Variants in DHRSX observed in about 807,000 individuals in gnomAD.
The protein encoded by DHRSX is dehydrogenase/reductase X-linked.
A neutral mutation model predicts 34.0 loss-of-function variants in DHRSX; 31 were observed. That is an observed-to-expected ratio of 0.91 (90% CI 0.69 to 1.23). The LOEUF is 1.23. Ranked by LOEUF, DHRSX falls within the 50% of genes most tolerant of loss-of-function variation. DHRSX has a pLI of 0.00. For synonymous variants in DHRSX, 201 were observed against 183.8 expected (o/e 1.09, Z -0.76); for missense variants, 414 against 428.1 (o/e 0.97, Z 0.29).
At chrX:2,267,913 C>A (rs376533077) in intron 4 of DHRSX, among the ~76,000 whole-genome samples, 3 of 152,238 alleles carry the variant, frequency 2.0e-5, no homozygotes, top group South Asian at 2.1e-4. Flanking sequence ...TGCTACTGCA[C>A]CCCAGCCTGG....
At chrX:2,262,099 G>T (rs937403019) in intron 5 of DHRSX, among the ~76,000 whole-genome samples, 1 of 152,132 alleles carries the variant, frequency 6.6e-6, no homozygotes, top group Admixed American at 6.5e-5. Context: ...GGGAAGGCTG[G>T]CCCCCACACA....
At chrX:2,260,092 C>CGG (rs2041342521) in intron 5 of DHRSX, among the ~76,000 whole-genome samples, 2 of 143,182 alleles carry the variant, frequency 1.4e-5, no homozygotes, top group African/African-American at 2.6e-5. Context: ...ATCCCTGACC[C>CGG]TGTGGCTGCA....
intron 6 of DHRSX, among the ~76,000 whole-genome samples, chrX:2,235,408 C>A (rs1427200219): frequency 6.6e-6 from 1 of 152,160 alleles, no homozygotes; most frequent in Admixed American, 6.6e-5. Flanking sequence ...AAGAAATCCG[C>A]ACCTGTACTC....
chrX:2,271,256 C>T (rs1230473483), intron 4 of DHRSX, among the ~76,000 whole-genome samples: 1 of 152,212 alleles, frequency 6.6e-6, no homozygotes, highest in Non-Finnish European at 1.5e-5. Context: ...GACGCACCAT[C>T]TTTAAAAGCC....
At chrX:2,489,859 G>A (rs2045078263) in intron 1 of DHRSX, 1 of 1,613,638 alleles carries the variant, frequency 6.2e-7, no homozygotes, top group African/African-American at 1.3e-5. Context: ...GGCAGGGCAT[G>A]TGCACTGCGA....
chrX:2,264,416 G>A (rs1259851091), intron 5 of DHRSX, among the ~76,000 whole-genome samples: 1 of 150,308 alleles, frequency 6.7e-6, no homozygotes, highest in East Asian at 2.0e-4. Context: ...GAGCACCTGT[G>A]TCCAGCAGAC....
intron 3 of DHRSX, among the ~76,000 whole-genome samples, chrX:2,308,503 T>C (rs1458501072): frequency 6.6e-6 from 1 of 152,114 alleles, no homozygotes; most frequent in African/African-American, 2.4e-5. Flanking sequence ...ACAGCAATGA[T>C]TGAAGTCTAA....
intron 5 of DHRSX, among the ~76,000 whole-genome samples, chrX:2,247,976 C>T (rs1221390828): frequency 6.6e-6 from 1 of 152,090 alleles, no homozygotes; most frequent in Admixed American, 6.6e-5. Flanking sequence ...AGTTTCCCTA[C>T]ACCCTGAGTA....
intron 4 of DHRSX, among the ~76,000 whole-genome samples, chrX:2,276,371 A>G (rs189708814): frequency 6.6e-6 from 1 of 152,304 alleles, no homozygotes; most frequent in East Asian, 1.9e-4. Flanking sequence ...TCGCCAATTC[A>G]AAGGTGGAGA....
intron 3 of DHRSX, among the ~76,000 whole-genome samples, chrX:2,346,653 T>TTTG (rs1556483987): frequency 8.0e-5 from 12 of 150,724 alleles, no homozygotes; most frequent in Admixed American, 2.6e-4. Context: ...TGGTTTTTTT[T>TTTG]TTGTTGTTGT....
intron 3 of DHRSX, among the ~76,000 whole-genome samples, chrX:2,332,493 G>A (rs965401085): frequency 4.0e-4 from 61 of 152,278 alleles, no homozygotes; most frequent in African/African-American, 1.3e-3. Flanking sequence ...GGGATTCTAG[G>A]AAAACAGATT....
At chrX:2,498,168 G>A (rs1297138456) in intron 1 of DHRSX, among the ~76,000 whole-genome samples, 1 of 152,174 alleles carries the variant, frequency 6.6e-6, no homozygotes, top group Non-Finnish European at 1.5e-5. Context: ...GTCAACTCAT[G>A]TGGAAGGTGT....
chrX:2,459,550 G>A (rs867034162), intron 1 of DHRSX, among the ~76,000 whole-genome samples: 5 of 137,800 alleles, frequency 3.6e-5, no homozygotes, highest in East Asian at 4.5e-4. Context: ...GTGTCTGTGT[G>A]TATATATATA....
At chrX:2,397,841 G>A (rs1327412079) in intron 3 of DHRSX, among the ~76,000 whole-genome samples, 4 of 152,006 alleles carry the variant, frequency 2.6e-5, no homozygotes, top group Non-Finnish European at 4.4e-5. Flanking sequence ...ACATGCCCCA[G>A]GTGTGCCGGC....
At chrX:2,350,780 G>A (rs181383975) in intron 3 of DHRSX, among the ~76,000 whole-genome samples, 173 of 152,176 alleles carry the variant, frequency 1.1e-3, no homozygotes, top group African/African-American at 3.9e-3. Flanking sequence ...ATTTCAACAC[G>A]TATGTTTATT....
intron 5 of DHRSX, among the ~76,000 whole-genome samples, chrX:2,264,123 A>T (rs1443114266): frequency 1.3e-5 from 2 of 152,228 alleles, no homozygotes; most frequent in Non-Finnish European, 2.9e-5. Flanking sequence ...GCCCAAGGAC[A>T]GCAAATGGCT....
chrX:2,219,716 T>G lies in DHRSX; in HGVS notation c.*1325A>C, dbSNP rs944297213. On this transcript the variant is annotated 3_prime_UTR_variant, in exon 7 of 7. Coordinates refer to ENST00000334651, the MANE Select transcript of DHRSX (RefSeq NM_145177.3). ...TGGATTTGAATAGTCAGTGGGATTT[T>G]GTCACTTAGTGGAATGGATAATAAG... The G allele has an allele frequency of 6.6e-6, 1 of 152,196 alleles. No homozygotes were observed. The highest frequency in any genetic ancestry group is 2.4e-5 in the African/African-American group (1 of 41,448). 9.4% of individuals were successfully genotyped at this position (152,196 alleles called of 1,614,324 possible).
In DHRSX at chrX:2,478,424, A is replaced by G. The variant is rs748983682; in HGVS notation, c.109+22393T>C. 2.2e-3 allele frequency among the ~76,000 whole-genome samples: 338 copies of G among 151,942 alleles called. 3 individuals are homozygous for G. The highest frequency in any genetic ancestry group is 6.9e-3 in the African/African-American group (286 of 41,486). On this transcript the variant is annotated intron_variant, in intron 1 of 6. Coordinates refer to ENST00000334651, the MANE Select transcript of DHRSX (RefSeq NM_145177.3). ...TGGCCAATGGACTGTCACCTTGTAC[A>G]AACTGAAGACGTTTTCTAAGAATGT...
intron 1 of DHRSX, among the ~76,000 whole-genome samples, chrX:2,476,315 T>C (rs2044677311): frequency 6.6e-6 from 1 of 151,852 alleles, no homozygotes; most frequent in Admixed American, 6.6e-5. Flanking sequence ...GGAGAACTGC[T>C]TAAGCCCAGG....
Sources: gnomAD v4.1 joint callset for allele counts (sites outside exome capture counted in the v4.1 genomes callset) on GRCh38, gnomAD v4.1.1 for gene constraint, MANE v1.5 for transcripts, NCBI Gene and HGNC (gene_info 2026-07-23, HGNC 2026-07-21) for gene names.